The following MECOM variants were observed in gnomAD, a reference collection of about 807,000 sequenced individuals.
The protein encoded by MECOM is MDS1 and EVI1 complex locus, also known as histone-lysine N-methyltransferase MECOM.
In MECOM, 13 loss-of-function variants were observed where a neutral mutation model predicts 116.3. The ratio of observed to expected loss-of-function variants is 0.11; its 90% confidence interval spans 0.07 to 0.18. MECOM has a LOEUF of 0.18. MECOM is among the 10% of genes least tolerant of loss of function. The pLI is 1.00. For synonymous variants in MECOM, 528 were observed against 535.2 expected (o/e 0.99, Z 0.19); for missense variants, 1,299 against 1,509.0 (o/e 0.86, Z 2.31).
chr3:169,437,614 T>C (rs1001175317), intron 1 of MECOM, among the ~76,000 whole-genome samples: 3 of 152,170 alleles, frequency 2.0e-5, no homozygotes, highest in African/African-American at 7.2e-5. Flanking sequence ...TCTTTATATA[T>C]TTCCCTCTTG....
intron 2 of MECOM, among the ~76,000 whole-genome samples, chr3:169,216,869 C>T (rs1452120587): frequency 2.0e-5 from 3 of 151,370 alleles, no homozygotes; most frequent in African/African-American, 4.9e-5. Flanking sequence ...AAAACAAAAA[C>T]GCACATTAAG....
intron 1 of MECOM, among the ~76,000 whole-genome samples, chr3:169,585,330 A>G (rs6777142): frequency 0.59 from 90,020 of 152,066 alleles, 26,928 homozygotes; most frequent in South Asian, 0.67. Context: ...AGATTTAAGG[A>G]TTGAAGAGAT....
intron 2 of MECOM, among the ~76,000 whole-genome samples, chr3:169,375,767 C>T (rs918261351): frequency 6.6e-6 from 1 of 152,090 alleles, no homozygotes; most frequent in South Asian, 2.1e-4. Context: ...GGAGCTCGTA[C>T]CATTACTTAC....
At chr3:169,314,761 A>C (rs1020185959) in intron 2 of MECOM, among the ~76,000 whole-genome samples, 1 of 152,234 alleles carries the variant, frequency 6.6e-6, no homozygotes, top group Non-Finnish European at 1.5e-5. Context: ...AGGAAAAGGC[A>C]AAAAGAAGAA....
chr3:169,402,371 T>C (rs1041199362), intron 1 of MECOM, among the ~76,000 whole-genome samples: 3 of 152,136 alleles, frequency 2.0e-5, no homozygotes, highest in Non-Finnish European at 4.4e-5. Context: ...CTGGGCCATC[T>C]AGACAGTAAT....
chr3:169,352,960 T>C (rs916160906), intron 2 of MECOM, among the ~76,000 whole-genome samples: 3 of 151,938 alleles, frequency 2.0e-5, no homozygotes, highest in Non-Finnish European at 2.9e-5. Flanking sequence ...GGTTAGAGCT[T>C]TGCTGTCTGG....
chr3:169,649,765 C>T (rs1774653108), intron 1 of MECOM, among the ~76,000 whole-genome samples: 3 of 152,136 alleles, frequency 2.0e-5, no homozygotes, highest in Non-Finnish European at 4.4e-5. Context: ...GCATTTGAAA[C>T]AAATATTGTG....
intron 2 of MECOM, among the ~76,000 whole-genome samples, chr3:169,155,633 A>T (rs1741851697): frequency 6.6e-6 from 1 of 152,330 alleles, no homozygotes; most frequent in East Asian, 1.9e-4. Context: ...ACTCCAATGG[A>T]TCCCAATTTG....
At position 169,127,952 on chromosome 3, in the gene MECOM, A is replaced by G. The variant is rs773091335; in HGVS notation, c.722T>C (p.Met241Thr). 1 of 1,614,056 alleles carries G rather than the reference A, an allele frequency of 6.2e-7. No homozygotes were observed. The highest frequency in any genetic ancestry group is 8.5e-7 in the Non-Finnish European group (1 of 1,179,922). Residue 241 changes from methionine to threonine, a missense_variant, in exon 5 of 17, where the codon ATG (methionine) becomes ACG (threonine). By Grantham distance (81) the Met-to-Thr change is moderately conservative. Around this residue, in one of 6 missense-constraint regions of MECOM, gnomAD observed 374 missense variants for 433.4 expected, o/e 0.86. Coordinates refer to ENST00000651503, the MANE Select transcript of MECOM (RefSeq NM_004991.4). ...TTTTTGCTGAAAGTCCTCTTCAACC[A>G]TTGAAAATGCTGAGTGAGGAGTACT... ...PCSTPHSAFS[M>T]VEEDFQQKLE...
intron 1 of MECOM, among the ~76,000 whole-genome samples, chr3:169,594,174 A>AAAAAAAAAAAAAC (rs1255613781): frequency 2.4e-4 from 30 of 125,952 alleles, no homozygotes; most frequent in African/African-American, 4.8e-4. Flanking sequence ...AAAAAAAAAA[A>AAAAAAAAAAAAAC]AACACCTTTT....
At chr3:169,606,223 C>T (rs183752601) in intron 1 of MECOM, among the ~76,000 whole-genome samples, 20 of 152,062 alleles carry the variant, frequency 1.3e-4, no homozygotes, top group African/African-American at 4.6e-4. Flanking sequence ...ACCAGCCTAG[C>T]CAACATAGTG....
intron 1 of MECOM, among the ~76,000 whole-genome samples, chr3:169,452,675 C>T (rs1210224817): frequency 6.6e-6 from 1 of 152,130 alleles, no homozygotes; most frequent in Non-Finnish European, 1.5e-5. Flanking sequence ...GGCCAGGTTT[C>T]CCACAAGGCC....
chr3:169,505,369 C>T (rs1466711569), intron 1 of MECOM, among the ~76,000 whole-genome samples: 1 of 151,412 alleles, frequency 6.6e-6, no homozygotes, highest in Non-Finnish European at 1.5e-5. Flanking sequence ...ACCAAAACAT[C>T]ACATAATCTA....
intron 2 of MECOM, among the ~76,000 whole-genome samples, chr3:169,300,862 G>C (rs1716573319): frequency 6.6e-6 from 1 of 152,092 alleles, no homozygotes; most frequent in African/African-American, 2.4e-5. Flanking sequence ...CTGGAGCCTG[G>C]GGTTCTATTA....
At chr3:169,561,356 G>C (rs1360571213) in intron 1 of MECOM, among the ~76,000 whole-genome samples, 1 of 151,936 alleles carries the variant, frequency 6.6e-6, no homozygotes, top group Non-Finnish European at 1.5e-5. Flanking sequence ...TAGGGAAATA[G>C]ATAAATAAAT....
chr3:169,554,132 C>T (rs970035220), intron 1 of MECOM, among the ~76,000 whole-genome samples: 11 of 152,286 alleles, frequency 7.2e-5, no homozygotes, highest in African/African-American at 2.6e-4. Flanking sequence ...ATAGAAACCT[C>T]ATGGCCTTCC....
intron 1 of MECOM, among the ~76,000 whole-genome samples, chr3:169,568,432 C>T (rs1037469231): frequency 5.3e-5 from 8 of 151,978 alleles, no homozygotes; most frequent in African/African-American, 1.9e-4. Context: ...TCAGCAGATC[C>T]CACCCCCAGA....
Position 169,605,895 on chromosome 3 carries a change from G to T in MECOM, c.37+57441C>A, listed in dbSNP as rs1246429806. Reference sequence around the variant, plus strand: ...ATTTGATGCTGTGAGGTAAAGTGAAGTTTATTTATACCTCTGAATCTTGAG... The same window carrying T: ...ATTTGATGCTGTGAGGTAAAGTGAATTTTATTTATACCTCTGAATCTTGAG... On this transcript the variant is annotated intron_variant, in intron 1 of 16. Transcript: ENST00000651503. Among the ~76,000 whole-genome samples the T allele has an allele frequency of 2.0e-5, 3 of 152,174 alleles. No individual in the cohort carries two copies. The East Asian group carries it at 5.8e-4, about 29-fold the overall frequency.
intron 1 of MECOM, among the ~76,000 whole-genome samples, chr3:169,610,862 A>G (rs938264475): frequency 3.3e-5 from 5 of 152,216 alleles, no homozygotes; most frequent in African/African-American, 7.2e-5. Context: ...AGGCTGGCAC[A>G]TAGTAGATGC....
Sources: allele counts gnomAD v4.1 joint callset (sites outside exome capture counted in the v4.1 genomes callset), GRCh38; gene constraint gnomAD v4.1.1; regional missense constraint gnomAD v4.1.1; transcripts MANE v1.5; gene names NCBI Gene and HGNC (gene_info 2026-07-23, HGNC 2026-07-21).